Variants in UMAD1 observed in about 807,000 individuals in gnomAD.
UMAD1 encodes UBAP1-MVB12-associated (UMA) domain containing 1, also known as UBAP1-MVB12-associated (UMA)-domain containing protein 1.
UMAD1 carries 8 observed loss-of-function variants against 6.1 expected under a neutral mutation model. The observed-to-expected ratio is 1.30, with a 90% CI of 0.76 to 2.35. The LOEUF (loss-of-function observed/expected upper bound fraction) is 2.35. Ranked by LOEUF, UMAD1 falls within the 30% of genes most tolerant of loss-of-function variation. UMAD1 has a pLI of 0.00. For missense variants in UMAD1, 130 were observed against 78.4 expected (o/e 1.66, Z -2.49); for synonymous variants, 56 against 31.4 (o/e 1.78, Z -2.61).
At chr7:7,791,001 C>A (rs1583827498) in intron 2 of UMAD1, among the ~76,000 whole-genome samples, 1 of 152,200 alleles carries the variant, frequency 6.6e-6, no homozygotes, top group African/African-American at 2.4e-5. Context: ...AGCACTCCTC[C>A]TGTCTCAGCC....
At chr7:7,756,612 A>G (rs1384634032) in intron 2 of UMAD1, among the ~76,000 whole-genome samples, 4 of 152,112 alleles carry the variant, frequency 2.6e-5, no homozygotes, top group African/African-American at 9.7e-5. Flanking sequence ...GCTGGTCACT[A>G]TTGTCTCCCA....
chr7:7,775,180 T>A (rs1266196431), intron 2 of UMAD1, among the ~76,000 whole-genome samples: 7 of 152,200 alleles, frequency 4.6e-5, no homozygotes, highest in Non-Finnish European at 1.0e-4. Context: ...TCTGTTCAAA[T>A]AAGCACATGA....
At position 7,651,306 on chromosome 7, in the gene UMAD1, A is replaced by C. The variant is rs1785218153; in HGVS notation, c.-64+10485A>C. On this transcript the variant is annotated intron_variant, in intron 1 of 3. Transcript: ENST00000682710. Reference sequence around the variant, plus strand: ...CCTGAACCTCCTTGCAGGACTTGTGACAAGGGTGGGCTTGGCTTGTCTTTT... The same window carrying C: ...CCTGAACCTCCTTGCAGGACTTGTGCCAAGGGTGGGCTTGGCTTGTCTTTT... Among the ~76,000 whole-genome samples, 3 of 152,178 alleles carry C rather than the reference A, an allele frequency of 2.0e-5. No individual in the cohort carries two copies. In the South Asian group the frequency reaches 6.2e-4, roughly 32 times the overall value.
intron 1 of UMAD1, among the ~76,000 whole-genome samples, chr7:7,650,722 T>C (rs1391702561): frequency 6.6e-6 from 1 of 152,258 alleles, no homozygotes; most frequent in Non-Finnish European, 1.5e-5. Flanking sequence ...AATCCAGCCA[T>C]TCTGCATCCT....
chr7:7,684,668 A>G (rs888049516), intron 2 of UMAD1, among the ~76,000 whole-genome samples: 6 of 152,224 alleles, frequency 3.9e-5, no homozygotes, highest in African/African-American at 1.2e-4. Flanking sequence ...AATTAATTAT[A>G]CAATGTGAAT....
intron 2 of UMAD1, among the ~76,000 whole-genome samples, chr7:7,795,246 G>A (rs530452172): frequency 3.3e-5 from 5 of 152,322 alleles, no homozygotes; most frequent in Admixed American, 6.5e-5. Context: ...CATTGGATCC[G>A]AATAAACCTC....
Position 7,643,030 on chromosome 7 carries a change from A to T in UMAD1, c.-64+2209A>T, listed in dbSNP as rs1433239533. On this transcript the variant is annotated intron_variant, in intron 1 of 3. Coordinates refer to ENST00000682710, the MANE Select transcript of UMAD1 (RefSeq NM_001302348.2). Reference sequence around the variant, plus strand: ...TAGATCATATTTTTTTTTCTGTTACAGGTAGGCATGAGTGGGACAGTAGTG... The same window carrying T: ...TAGATCATATTTTTTTTTCTGTTACTGGTAGGCATGAGTGGGACAGTAGTG... Among the ~76,000 whole-genome samples, 5 of 152,122 alleles carry T rather than the reference A, an allele frequency of 3.3e-5. No homozygotes were observed. The East Asian group carries it at 5.8e-4, about 18-fold the overall frequency.
chr7:7,812,990 C>T (rs1783050522), intron 3 of UMAD1, among the ~76,000 whole-genome samples: 1 of 152,134 alleles, frequency 6.6e-6, no homozygotes, highest in Non-Finnish European at 1.5e-5. Context: ...AATCTTCAGG[C>T]AGTGGAAAAG....
At chr7:7,720,295 G>A (rs1019023811) in intron 2 of UMAD1, among the ~76,000 whole-genome samples, 3 of 152,124 alleles carry the variant, frequency 2.0e-5, no homozygotes, top group African/African-American at 7.2e-5. Context: ...AAAAACCCTA[G>A]GCTGGTGGCA....
chr7:7,664,325 C>T (rs574538424), intron 1 of UMAD1, among the ~76,000 whole-genome samples: 22 of 152,276 alleles, frequency 1.4e-4, no homozygotes, highest in African/African-American at 5.3e-4. Context: ...GTCTTAACTT[C>T]TTGGCTCCAG....
chr7:7,706,912 G>T (rs945424848), intron 2 of UMAD1, among the ~76,000 whole-genome samples: 1 of 152,162 alleles, frequency 6.6e-6, no homozygotes, highest in Non-Finnish European at 1.5e-5. Context: ...GGGTGGCTAA[G>T]ATCCTAACAG....
chr7:7,745,582 G>A (rs1781556446), intron 2 of UMAD1, among the ~76,000 whole-genome samples: 1 of 152,192 alleles, frequency 6.6e-6, no homozygotes, highest in South Asian at 2.1e-4. Flanking sequence ...GCCATTCTCA[G>A]TAAGCTTATA....
chr7:7,646,061 C>A (rs558052851), intron 1 of UMAD1, among the ~76,000 whole-genome samples: 2 of 152,224 alleles, frequency 1.3e-5, no homozygotes, highest in South Asian at 4.2e-4. Flanking sequence ...GGCCTCCAGC[C>A]CCATGGCAGT....
At chr7:7,735,212 A>T (rs1435185687) in intron 2 of UMAD1, among the ~76,000 whole-genome samples, 1 of 151,128 alleles carries the variant, frequency 6.6e-6, no homozygotes, top group Non-Finnish European at 1.5e-5. Flanking sequence ...TTGAGGATAC[A>T]GACATTTTGG....
At chr7:7,815,925 G>A (rs77118466) in intron 3 of UMAD1, among the ~76,000 whole-genome samples, 91 of 152,288 alleles carry the variant, frequency 6.0e-4, no homozygotes, top group South Asian at 2.5e-3. Context: ...ATCAGTGGAG[G>A]TGGGGGAGGA....
intron 2 of UMAD1, among the ~76,000 whole-genome samples, chr7:7,721,445 A>G (rs927574137): frequency 1.1e-4 from 16 of 152,168 alleles, no homozygotes; most frequent in Non-Finnish European, 2.2e-4. Context: ...CTGCTGCATA[A>G]TTGTGAGCCG....
chr7:7,649,192 A>AAAGAG (rs1395031665), intron 1 of UMAD1, among the ~76,000 whole-genome samples: 1 of 151,808 alleles, frequency 6.6e-6, no homozygotes, highest in Non-Finnish European at 1.5e-5. Context: ...AAAGAAAAGA[A>AAAGAG]TAAAAAAGGA....
chr7:7,702,266 A>G (rs1054958778), intron 2 of UMAD1, among the ~76,000 whole-genome samples: 2 of 152,214 alleles, frequency 1.3e-5, no homozygotes, highest in African/African-American at 4.8e-5. Context: ...TTATTTCACA[A>G]GTTAGTAATT....
chr7:7,777,268 T>A (rs1351094617), intron 2 of UMAD1, among the ~76,000 whole-genome samples: 3 of 151,486 alleles, frequency 2.0e-5, no homozygotes, highest in Non-Finnish European at 2.9e-5. Flanking sequence ...GTACTTTGGG[T>A]GGCTGAGGCG....
Sources: gnomAD v4.1 joint callset for allele counts (sites outside exome capture counted in the v4.1 genomes callset) on GRCh38, gnomAD v4.1.1 for gene constraint, MANE v1.5 for transcripts, NCBI Gene and HGNC (gene_info 2026-07-23, HGNC 2026-07-21) for gene names.